The following TBC1D19 variants were observed in gnomAD, a reference collection of about 807,000 sequenced individuals.
TBC1D19 encodes the protein TBC1 domain family, member 19.
TBC1D19 carries 60 observed loss-of-function variants against 89.0 expected under a neutral mutation model. The observed-to-expected ratio is 0.67, with a 90% CI of 0.55 to 0.84. TBC1D19 has a LOEUF of 0.84. Among genes scored for constraint, TBC1D19 ranks in the 40% least tolerant of loss-of-function variants. TBC1D19 has a pLI of 0.00. For missense variants in TBC1D19, 500 were observed against 610.8 expected (o/e 0.82, Z 1.91); for synonymous variants, 189 against 199.7 (o/e 0.95, Z 0.45).
At chr4:26,817,266 C>T in the TBC1D19 span, among the ~76,000 whole-genome samples, 1 of 152,202 alleles carries the variant, frequency 6.6e-6, no homozygotes, top group Admixed American at 6.5e-5. Flanking sequence ...AATGATCAGT[C>T]ATTGATACCC....
chr4:26,809,320 A>G, the TBC1D19 span, among the ~76,000 whole-genome samples: 1 of 152,038 alleles, frequency 6.6e-6, no homozygotes, highest in Non-Finnish European at 1.5e-5. Context: ...TTCAGTTCCT[A>G]TGGCTGAGGG....
chr4:26,774,977 T>G, the TBC1D19 span, among the ~76,000 whole-genome samples: 4 of 152,228 alleles, frequency 2.6e-5, no homozygotes, highest in East Asian at 1.9e-4. Context: ...TTGCTGAGAG[T>G]TTTTTTATTA....
intron 1 of TBC1D19, among the ~76,000 whole-genome samples, chr4:26,593,325 T>C (rs1328063922): frequency 6.6e-6 from 1 of 152,212 alleles, no homozygotes; most frequent in Non-Finnish European, 1.5e-5. Flanking sequence ...TTACACCTTA[T>C]ACTAAAATTA....
intron 1 of TBC1D19, among the ~76,000 whole-genome samples, chr4:26,609,749 T>C (rs1741244478): frequency 6.6e-6 from 1 of 152,122 alleles, no homozygotes; most frequent in Non-Finnish European, 1.5e-5. Flanking sequence ...GGGAAAGACT[T>C]ATGTTTTAGG....
the TBC1D19 span, among the ~76,000 whole-genome samples, chr4:26,847,923 G>T: frequency 3.3e-5 from 5 of 152,286 alleles, no homozygotes; most frequent in Admixed American, 6.5e-5. Flanking sequence ...AGTAGGTTTT[G>T]GGGAAAATAT....
At chr4:26,712,538 A>G (rs1716268451) in intron 13 of TBC1D19, among the ~76,000 whole-genome samples, 1 of 152,054 alleles carries the variant, frequency 6.6e-6, no homozygotes, top group South Asian at 2.1e-4. Flanking sequence ...TAATCTCCCC[A>G]TTTAAAAATC....
chr4:26,632,373 TA>T (rs201137539), intron 4 of TBC1D19, among the ~76,000 whole-genome samples: 2,404 of 151,180 alleles, frequency 0.016, 35 homozygotes, highest in Non-Finnish European at 0.025. Flanking sequence ...TTATATATAT[TA>T]TATACTATAT....
chr4:26,829,227 G>A, the TBC1D19 span, among the ~76,000 whole-genome samples: 1 of 152,128 alleles, frequency 6.6e-6, no homozygotes, highest in African/African-American at 2.4e-5. Context: ...AAACCTTATC[G>A]CAGTTCAGTT....
At chr4:26,620,441 T>A (rs1741970562) in intron 3 of TBC1D19, among the ~76,000 whole-genome samples, 172 bp from the exon 4 acceptor site, 1 of 152,228 alleles carries the variant, frequency 6.6e-6, no homozygotes, top group African/African-American at 2.4e-5. Flanking sequence ...GTACCTAGAA[T>A]GGCCCAAGTA....
chr4:26,586,498 A>T (rs998784225), intron 1 of TBC1D19, among the ~76,000 whole-genome samples: 2 of 152,170 alleles, frequency 1.3e-5, no homozygotes, highest in African/African-American at 4.8e-5. Flanking sequence ...AATTACTACA[A>T]AAATTGTTGA....
chr4:26,590,355 G>A (rs890217013), intron 1 of TBC1D19, among the ~76,000 whole-genome samples: 4 of 152,108 alleles, frequency 2.6e-5, no homozygotes, highest in Non-Finnish European at 4.4e-5. Flanking sequence ...CCAAGAATTA[G>A]GGTATAAATA....
At chr4:26,580,444 C>T (rs1041972555), upstream of TBC1D19, among the ~76,000 whole-genome samples, 2 of 152,120 alleles carry the variant, frequency 1.3e-5, no homozygotes, top group African/African-American at 2.4e-5. Flanking sequence ...TGTATTACTT[C>T]CTGAGGACTC....
chr4:26,836,001 C>CTT, the TBC1D19 span, among the ~76,000 whole-genome samples: 2 of 151,312 alleles, frequency 1.3e-5, no homozygotes, highest in African/African-American at 4.9e-5. Flanking sequence ...CTCTCTCTCT[C>CTT]TCTCTATCAC....
chr4:26,576,862 G>T (rs1219756557), intron 1 of TBC1D19: 4 of 455,946 alleles, frequency 8.8e-6, no homozygotes, highest in African/African-American at 8.0e-5. Flanking sequence ...TGTTGTATCT[G>T]TTGGGATGGT....
chr4:26,855,466 A>G, the TBC1D19 span, among the ~76,000 whole-genome samples: 2 of 152,232 alleles, frequency 1.3e-5, no homozygotes, highest in Non-Finnish European at 2.9e-5. Context: ...CTATCTAGGT[A>G]TTAGCATAAG....
Position 26,638,806 on chromosome 4 carries a change from A to G in TBC1D19, c.405A>G (p.Lys135=), listed in dbSNP as rs771247965. Residue 135 remains lysine (K), a synonymous_variant, in exon 6 of 21, where the codon AAA becomes AAG. Coordinates refer to ENST00000264866, the MANE Select transcript of TBC1D19 (RefSeq NM_018317.4). The stretch of plus-strand genomic sequence containing the variant: ...GAGAACAGAAAGAACTTCTTAATAA[A>G]TGGAATGAAATGGGAACTGATGAAC... ...PVGEQKELLN[K]WNEMGTDEPD... The G allele has an allele frequency of 1.8e-5, 29 of 1,610,504 alleles. No individual in the cohort carries two copies. The highest frequency in any genetic ancestry group is 2.3e-5 in the Non-Finnish European group (27 of 1,178,982).
the TBC1D19 span, among the ~76,000 whole-genome samples, chr4:26,808,727 CAAAAAAAAAAAA>C: frequency 5.9e-3 from 563 of 95,080 alleles, 3 homozygotes; most frequent in Non-Finnish European, 9.0e-3. Flanking sequence ...GACTCTGTCT[CAAAAAAAAAAAA>C]AAAAAAAGAA....
intron 7 of TBC1D19, among the ~76,000 whole-genome samples, chr4:26,653,444 G>C (rs532282570): frequency 1.3e-5 from 2 of 152,146 alleles, no homozygotes; most frequent in Admixed American, 1.3e-4. Context: ...CGTTCTGTCT[G>C]GTTGATCTGT....
At chr4:26,710,979 G>C (rs1577970441) in intron 13 of TBC1D19, among the ~76,000 whole-genome samples, 2 of 152,118 alleles carry the variant, frequency 1.3e-5, no homozygotes, top group South Asian at 4.2e-4. Flanking sequence ...TCTGTAGGTT[G>C]CCTGTTCACT....
Sources: gnomAD v4.1 joint callset for allele counts (sites outside exome capture counted in the v4.1 genomes callset) on GRCh38, gnomAD v4.1.1 for gene constraint, MANE v1.5 for transcripts, NCBI Gene and HGNC (gene_info 2026-07-23, HGNC 2026-07-21) for gene names.